Variants in IFT140 observed in about 807,000 individuals in gnomAD.
IFT140 encodes the protein intraflagellar transport protein 140 homolog.
Under a neutral mutation model 164.6 loss-of-function variants are expected in IFT140, and 133 were observed. The ratio of observed to expected loss-of-function variants is 0.81; its 90% confidence interval spans 0.70 to 0.93. The LOEUF is 0.93. Ranked by LOEUF, IFT140 falls within the 40% of genes least tolerant of loss-of-function variation. The pLI is 0.00. For missense variants in IFT140, 2,045 were observed against 1,972.3 expected (o/e 1.04, Z -0.70); for synonymous variants, 860 against 817.3 (o/e 1.05, Z -0.89).
rs1450857972 is a variant in IFT140, at chr16:1,540,870, G to A, written c.2400-14074C>T. The A allele has an allele frequency of 3.0e-6, 3 of 985,306 alleles. No homozygotes were observed. In the African/African-American group the frequency reaches 5.2e-5, roughly 17 times the overall value. The allele number at this position is 985,306 out of a possible 1,614,324, so 61.0% of individuals were successfully genotyped here. On this transcript the variant is annotated intron_variant, in intron 19 of 30. Coordinates refer to ENST00000426508, the MANE Select transcript of IFT140 (RefSeq NM_014714.4). ...GCGATGACAGGCTAGGGACTCTGTG[G>A]GGCTGTTGCTTCACATGCAGTCCCT... is the stretch of plus-strand genomic sequence containing the variant.
chr16:1,514,512 C>T (rs545561398), intron 30 of IFT140: 1 of 152,334 alleles, frequency 6.6e-6, no homozygotes, highest in South Asian at 2.1e-4. Context: ...GTTGCTCCCA[C>T]ACTACACATG....
chr16:1,586,673 G>A (rs1022874912), intron 9 of IFT140, among the ~76,000 whole-genome samples: 1 of 152,132 alleles, frequency 6.6e-6, no homozygotes, highest in Non-Finnish European at 1.5e-5. Context: ...CCTTCCCGTG[G>A]CATTTCAGGA....
chr16:1,594,659 A>G (rs995733199), intron 4 of IFT140, among the ~76,000 whole-genome samples: 4 of 152,220 alleles, frequency 2.6e-5, no homozygotes, highest in African/African-American at 9.7e-5. Context: ...CACAGTCGCA[A>G]CTGCGCGGCA....
At chr16:1,584,179 C>T in intron 11 of IFT140, 38 bp downstream of exon 11, 2 of 1,583,712 alleles carry the variant, frequency 1.3e-6, no homozygotes, top group Non-Finnish European at 1.7e-6. Flanking sequence ...GGCAGTTCTT[C>T]TGTCTGTGTC....
chr16:1,534,506 C>G, intron 19 of IFT140: 5 of 1,608,564 alleles, frequency 3.1e-6, no homozygotes. Context: ...AGGCGCTGGG[C>G]TGGGGCTCCG....
chr16:1,520,639 G>A lies in IFT140; in HGVS notation c.3623C>T (p.Ala1208Val). The A allele has an allele frequency of 6.3e-7, 1 of 1,598,870 alleles. No individual in the cohort carries two copies. The highest frequency in any genetic ancestry group is 8.5e-7 in the Non-Finnish European group (1 of 1,171,614). The change falls in exon 27 of 31, where the codon GCC becomes GTC. Residue 1208 changes from alanine (A) to valine (V), a missense_variant. By Grantham distance (64) the Ala-to-Val change is moderately conservative (BLOSUM62 0). Coordinates refer to ENST00000426508, the MANE Select transcript of IFT140 (RefSeq NM_014714.4). ...GCCGGCCTGCGTGTACTTCTTGGTG[G>A]CCAGGTGGTAGCTGCCCTGGCGCAT... ...CCMRQGSYHLATKKYTQAGNK... is the reference protein window; with the variant it reads ...CCMRQGSYHLVTKKYTQAGNK...
intron 7 of IFT140, among the ~76,000 whole-genome samples, chr16:1,588,423 GC>G (rs1171888547): frequency 6.6e-6 from 1 of 152,038 alleles, no homozygotes; most frequent in African/African-American, 2.4e-5. Context: ...TACTTGGGAG[GC>G]TGAGACAGGA....
At chr16:1,549,959 T>G (rs572058211) in intron 19 of IFT140, among the ~76,000 whole-genome samples, 2 of 152,308 alleles carry the variant, frequency 1.3e-5, no homozygotes, top group African/African-American at 4.8e-5. Flanking sequence ...ATCTACATTC[T>G]GAGTCTTTTT....
At chr16:1,560,133 G>A (rs2033324093) in intron 18 of IFT140, among the ~76,000 whole-genome samples, 1 of 152,188 alleles carries the variant, frequency 6.6e-6, no homozygotes, top group Non-Finnish European at 1.5e-5. Context: ...CATGAAATTC[G>A]GAGGAACGCC....
intron 19 of IFT140, among the ~76,000 whole-genome samples, chr16:1,543,753 G>T (rs916751471): frequency 2.0e-5 from 3 of 152,208 alleles, no homozygotes; most frequent in African/African-American, 7.2e-5. Flanking sequence ...ACCCAGGCTA[G>T]GAAAGCTCCC....
intron 20 of IFT140, 153 bp from the exon 21 acceptor site, chr16:1,526,230 C>T: frequency 1.4e-6 from 1 of 722,280 alleles, no homozygotes; most frequent in Non-Finnish European, 2.3e-6. Flanking sequence ...ACGCCACACA[C>T]CCACGGGGCA....
chr16:1,522,131 G>A (rs536132440), intron 26 of IFT140, among the ~76,000 whole-genome samples: 2 of 152,092 alleles, frequency 1.3e-5, no homozygotes, highest in Non-Finnish European at 2.9e-5. Context: ...GGCTGAGGAG[G>A]GTGGATCATG....
chr16:1,526,531 C>T (rs896752855), intron 20 of IFT140, 88 bp downstream of exon 20: 130 of 1,299,792 alleles, frequency 1.0e-4, no homozygotes, highest in Non-Finnish European at 1.2e-4. Context: ...AGGCTCAGGC[C>T]GGTGGGCGTG....
rs1277927981 is a variant in IFT140 at position 1,589,663 on chromosome 16, T to C, written c.752A>G (p.Asn251Ser). 9 of 1,613,866 alleles carry C rather than the reference T, an allele frequency of 5.6e-6. No individual in the cohort carries two copies. The South Asian group carries it at 8.8e-5, about 16-fold the overall frequency. ...KREALVVVTE[N>S]LRLSLYTVPP... ...CACCGTGTACAGGGACAGCCGGAGG[T>C]TCTCTGTGACCACCACCAGTGCCTC... The change falls in exon 7 of 31, where the codon AAC becomes AGC. Residue 251 changes from asparagine to serine, a missense_variant. Physicochemically the swap from Asn to Ser is conservative, Grantham distance 46. Coordinates refer to ENST00000426508, the MANE Select transcript of IFT140 (RefSeq NM_014714.4).
At chr16:1,541,044 C>T (rs1567347686) in intron 19 of IFT140, 35 of 985,414 alleles carry the variant, frequency 3.6e-5, no homozygotes, top group East Asian at 1.1e-4. Flanking sequence ...AGAAACGTGA[C>T]GAGCCCTGGT....
At chr16:1,529,994 G>A (rs1218955476) in intron 19 of IFT140, among the ~76,000 whole-genome samples, 2 of 152,096 alleles carry the variant, frequency 1.3e-5, no homozygotes, top group Non-Finnish European at 2.9e-5. Flanking sequence ...CCTCACAGAC[G>A]TCTCACTTCT....
At chr16:1,592,055 G>C (rs2035208029) in intron 6 of IFT140, 121 bp downstream of exon 6, 2 of 1,091,374 alleles carry the variant, frequency 1.8e-6, no homozygotes, top group Non-Finnish European at 2.7e-6. Flanking sequence ...TCATCTTTCT[G>C]TGCAGCCTGC....
Position 1,534,491 on chromosome 16 carries a change from C to T in IFT140, c.2400-7695G>A, listed in dbSNP as rs556819588. 9.9e-6 allele frequency: 16 copies of T among 1,609,768 alleles called. No individual in the cohort carries two copies. The East Asian group carries it at 3.6e-4, about 36-fold the overall frequency. ...GAGCCGGCCAGGTGGACGCACATGACTGTGAGGCGCTGGGCTGGGGCTCCG... is the reference window on the plus strand; with the variant it reads ...GAGCCGGCCAGGTGGACGCACATGATTGTGAGGCGCTGGGCTGGGGCTCCG... On this transcript the variant is annotated intron_variant, in intron 19 of 30. Coordinates refer to ENST00000426508, the MANE Select transcript of IFT140 (RefSeq NM_014714.4).
Position 1,566,120 on chromosome 16 carries a change from A to G in IFT140, c.1901+41T>C, listed in dbSNP as rs2033699765. ...CCCAGAAGCCGAGAAGTAACTGAAC[A>G]TCATTTTTTCCAACAAAATCCTCCT... On this transcript the variant is annotated intron_variant, in intron 16 of 30. Coordinates refer to ENST00000426508, the MANE Select transcript of IFT140 (RefSeq NM_014714.4). 5 of 1,602,210 alleles carry G rather than the reference A, an allele frequency of 3.1e-6. No homozygotes were observed. In the South Asian group the frequency reaches 5.5e-5, roughly 18 times the overall value.
Sources: allele counts gnomAD v4.1 joint callset (sites outside exome capture counted in the v4.1 genomes callset), GRCh38; gene constraint gnomAD v4.1.1; transcripts MANE v1.5; gene names NCBI Gene and HGNC (gene_info 2026-07-23, HGNC 2026-07-21).